Variants in ATP1B3 observed in about 807,000 individuals in gnomAD.
The protein encoded by ATP1B3 is ATPase Na+/K+ transporting subunit beta 3, also known as sodium/potassium-transporting ATPase subunit beta-3.
ATP1B3 carries 10 observed loss-of-function variants against 30.2 expected under a neutral mutation model. The ratio of observed to expected loss-of-function variants is 0.33; its 90% CI spans 0.20 to 0.56. The LOEUF (loss-of-function observed/expected upper bound fraction) is 0.56. Among genes scored for constraint, ATP1B3 ranks in the 20% least tolerant of loss-of-function variants. The probability of loss-of-function intolerance (pLI) is 0.90; values close to 1 mark genes in which losing one functional copy is unlikely to be tolerated. For synonymous variants in ATP1B3, 113 were observed against 117.0 expected (o/e 0.97, Z 0.22); for missense variants, 238 against 336.7 (o/e 0.71, Z 2.29).
intron 1 of ATP1B3, among the ~76,000 whole-genome samples, chr3:141,879,487 T>G (rs986008334): frequency 1.3e-5 from 2 of 151,994 alleles, no homozygotes; most frequent in Admixed American, 6.6e-5. Context: ...CTTACATTTT[T>G]GGGGCCGGGC....
At chr3:141,912,454 G>A (rs1418871030) in intron 3 of ATP1B3, among the ~76,000 whole-genome samples, 1 of 152,002 alleles carries the variant, frequency 6.6e-6, no homozygotes, top group East Asian at 1.9e-4. Flanking sequence ...GTAGAGTCGT[G>A]GTTTCACCAT....
chr3:141,919,993 C>T (rs1316971660), intron 5 of ATP1B3, among the ~76,000 whole-genome samples: 3 of 152,122 alleles, frequency 2.0e-5, no homozygotes, highest in African/African-American at 7.2e-5. Flanking sequence ...ATACATGCTT[C>T]ACCCTGAGTA....
In ATP1B3 at chr3:141,908,046, C is replaced by CT. The variant is rs545727073; in HGVS notation, c.346+781dup. On this transcript the variant is annotated intron_variant, in intron 3 of 6. Transcript: ENST00000286371. ...AGTATAGTTATTGAGAAGGAAGAAT[C>CT]TTTTTTTTTGTGCCAGGCATTCTTT... Among the ~76,000 whole-genome samples, 20 of 88,124 alleles carry CT rather than the reference C, an allele frequency of 2.3e-4. No homozygotes were observed. In the South Asian group the frequency reaches 2.4e-3, roughly 11 times the overall value. The allele number at this position is 88,124 out of a possible 152,430, so 57.8% of individuals were successfully genotyped here.
Position 141,903,611 on chromosome 3 carries a change from C to T in ATP1B3, c.110-9C>T. 1 of 1,613,192 alleles carries T rather than the reference C, an allele frequency of 6.2e-7. No homozygotes were observed. ...GTGCACATTTCATAAGTTTTATTTT[C>T]TTTTACAGGTTTGATCTTGCTCTTC... On this transcript the variant is annotated splice_polypyrimidine_tract_variant and intron_variant, in intron 1 of 6. Coordinates refer to ENST00000286371, the MANE Select transcript of ATP1B3 (RefSeq NM_001679.4).
chr3:141,922,073 G>T lies in ATP1B3; in HGVS notation c.669+10G>T. 6.8e-7 allele frequency: 1 copy of T among 1,464,894 alleles called. No homozygotes were observed. The highest frequency in any genetic ancestry group is 1.2e-5 in the South Asian group (1 of 80,694). The allele number at this position is 1,464,894 out of a possible 1,614,324, so 90.7% of individuals were successfully genotyped here. ...TGGGAAAAAACTGCATGTAAGTATT[G>T]AGAAGTTCTTATGTGGTGATTACTC... On this transcript the variant is annotated intron_variant, in intron 6 of 6. Coordinates refer to ENST00000286371, the MANE Select transcript of ATP1B3 (RefSeq NM_001679.4).
At chr3:141,895,188 C>CT (rs1176839559) in intron 1 of ATP1B3, among the ~76,000 whole-genome samples, 9,501 of 121,418 alleles carry the variant, frequency 0.078, 884 homozygotes, top group African/African-American at 0.22. Flanking sequence ...TCTTTCTTTT[C>CT]TTTTTTTTTT....
chr3:141,907,328 C>A, intron 3 of ATP1B3, 54 bp downstream of exon 3: 1 of 1,486,636 alleles, frequency 6.7e-7, no homozygotes, highest in Non-Finnish European at 9.3e-7. Flanking sequence ...GAAATTAGTA[C>A]CAAATTGTGG....
chr3:141,882,686 C>A (rs373310195), intron 1 of ATP1B3, among the ~76,000 whole-genome samples: 2 of 152,158 alleles, frequency 1.3e-5, no homozygotes, highest in African/African-American at 4.8e-5. Flanking sequence ...CGGATTCAAG[C>A]GATTCTCCTG....
At chr3:141,892,620 G>A (rs1933975895) in intron 1 of ATP1B3, among the ~76,000 whole-genome samples, 1 of 127,348 alleles carries the variant, frequency 7.9e-6, no homozygotes, top group Non-Finnish European at 1.5e-5. Flanking sequence ...TCGAGCCACT[G>A]CATGCAGCCT....
chr3:141,877,359 G>GC (rs1317695075), intron 1 of ATP1B3, among the ~76,000 whole-genome samples: 2 of 152,148 alleles, frequency 1.3e-5, no homozygotes, highest in Non-Finnish European at 2.9e-5. Flanking sequence ...GCCAGACCCT[G>GC]CCCCACTCCA....
chr3:141,880,346 G>A (rs142920440), intron 1 of ATP1B3, among the ~76,000 whole-genome samples: 2 of 152,278 alleles, frequency 1.3e-5, no homozygotes, highest in East Asian at 3.9e-4. Context: ...GATTTTCACA[G>A]TAACGTAAAG....
chr3:141,901,557 A>G (rs924871144), intron 1 of ATP1B3, among the ~76,000 whole-genome samples: 4 of 152,210 alleles, frequency 2.6e-5, no homozygotes, highest in African/African-American at 9.6e-5. Flanking sequence ...CCACTAGTAT[A>G]TGGCATCAGA....
chr3:141,922,610 ACCACCACACT>A (rs1216991911), intron 6 of ATP1B3, among the ~76,000 whole-genome samples: 2 of 149,132 alleles, frequency 1.3e-5, no homozygotes, highest in African/African-American at 5.0e-5. Flanking sequence ...CCAAGATTGT[ACCACCACACT>A]CCAGGTTGGG....
intron 1 of ATP1B3, among the ~76,000 whole-genome samples, chr3:141,878,887 G>A (rs1329453945): frequency 1.3e-5 from 2 of 152,224 alleles, no homozygotes; most frequent in Admixed American, 6.5e-5. Flanking sequence ...AGGGAGTCGT[G>A]AGAGGAGGCC....
At chr3:141,885,912 C>CAT (rs1559864935) in intron 1 of ATP1B3, among the ~76,000 whole-genome samples, 1 of 151,180 alleles carries the variant, frequency 6.6e-6, no homozygotes, top group East Asian at 2.0e-4. Context: ...CACACACACA[C>CAT]ACACACACAC....
intron 1 of ATP1B3, among the ~76,000 whole-genome samples, chr3:141,892,909 C>A (rs1933985306): frequency 6.6e-6 from 1 of 152,112 alleles, no homozygotes; most frequent in Non-Finnish European, 1.5e-5. Context: ...TTACTATATG[C>A]AACTTATTCC....
At chr3:141,877,294 C>G (rs1033048389) in intron 1 of ATP1B3, among the ~76,000 whole-genome samples, 10 of 151,802 alleles carry the variant, frequency 6.6e-5, no homozygotes, top group Non-Finnish European at 1.5e-4. Context: ...GTACGGAGCG[C>G]TCCGGCCCGA....
At chr3:141,903,818 G>A in intron 2 of ATP1B3, 70 bp downstream of exon 2, 1 of 1,546,644 alleles carries the variant, frequency 6.5e-7, no homozygotes, top group Non-Finnish European at 8.8e-7. Context: ...TTTCACTCTT[G>A]TTGCCCAGGC....
intron 1 of ATP1B3, among the ~76,000 whole-genome samples, chr3:141,900,635 G>A (rs1934145447): frequency 6.6e-6 from 1 of 152,130 alleles, no homozygotes; most frequent in South Asian, 2.1e-4. Context: ...GGAGGACTGA[G>A]CCCGTAGCAT....
Sources: allele counts gnomAD v4.1 joint callset (sites outside exome capture counted in the v4.1 genomes callset), GRCh38; gene constraint gnomAD v4.1.1; transcripts MANE v1.5; gene names NCBI Gene and HGNC (gene_info 2026-07-23, HGNC 2026-07-21).